DLGAP2: variants seen among roughly 807,000 people sequenced by gnomAD.
DLGAP2 encodes DLG associated protein 2.
Under a neutral mutation model 100.3 loss-of-function variants are expected in DLGAP2, and 26 were observed. The ratio of observed to expected loss-of-function variants is 0.26; its 90% CI spans 0.19 to 0.36. The LOEUF is 0.36. Among genes scored for constraint, DLGAP2 ranks in the 10% least tolerant of loss-of-function variants. The pLI is 1.00. For missense variants in DLGAP2, 1,858 were observed against 1,453.2 expected (o/e 1.28, Z -4.53); for synonymous variants, 886 against 630.1 (o/e 1.41, Z -6.08).
At chr8:825,270 G>A (rs1796665814) in intron 1 of DLGAP2, among the ~76,000 whole-genome samples, 1 of 152,248 alleles carries the variant, frequency 6.6e-6, no homozygotes, top group African/African-American at 2.4e-5. Flanking sequence ...GGATCAGGTT[G>A]TGCTGTTAGA....
intron 3 of DLGAP2, among the ~76,000 whole-genome samples, chr8:1,337,482 G>A (rs796593464): frequency 1.3e-4 from 19 of 147,234 alleles, no homozygotes; most frequent in African/African-American, 3.2e-4. Context: ...TGATGGGGAT[G>A]GGGATGATAG....
At chr8:768,022 G>T (rs1212786592) in intron 1 of DLGAP2, among the ~76,000 whole-genome samples, 1 of 152,178 alleles carries the variant, frequency 6.6e-6, no homozygotes, top group Non-Finnish European at 1.5e-5. Flanking sequence ...GAGGGACATG[G>T]TGGAGTGAAG....
rs1053698886 is a variant in DLGAP2, at chr8:1,230,031, G to A, written c.74-28820G>A. ...GGCCAGAACAATCAGGCAAGAAAAC[G>A]TAGTAAAAGACATCCAAATAATAAA... On this transcript the variant is annotated intron_variant, in intron 2 of 14. Transcript: ENST00000637795. 3.3e-5 allele frequency among the ~76,000 whole-genome samples: 5 copies of A among 152,208 alleles called. No homozygotes were observed. In the East Asian group the frequency reaches 5.8e-4, roughly 18 times the overall value.
At chr8:1,197,256 C>G (rs1382084069) in intron 2 of DLGAP2, among the ~76,000 whole-genome samples, 1 of 152,216 alleles carries the variant, frequency 6.6e-6, no homozygotes, top group Non-Finnish European at 1.5e-5. Context: ...CAGACACACC[C>G]GGAAGTCATG....
At chr8:1,048,448 C>T (rs1037727618) in intron 2 of DLGAP2, among the ~76,000 whole-genome samples, 5 of 152,138 alleles carry the variant, frequency 3.3e-5, no homozygotes, top group Admixed American at 2.0e-4. Flanking sequence ...CAGGTAGCGA[C>T]GGCATCGTCT....
At chr8:1,493,277 G>A (rs904242136) in intron 3 of DLGAP2, among the ~76,000 whole-genome samples, 4 of 152,202 alleles carry the variant, frequency 2.6e-5, no homozygotes, top group African/African-American at 4.8e-5. Context: ...TCTGAGACAC[G>A]CCTCTGTGGA....
intron 6 of DLGAP2, among the ~76,000 whole-genome samples, chr8:1,587,898 A>G (rs932487268): frequency 1.3e-5 from 2 of 152,178 alleles, no homozygotes; most frequent in Non-Finnish European, 2.9e-5. Context: ...CATTCATGAT[A>G]ACACTCAGAG....
intron 4 of DLGAP2, among the ~76,000 whole-genome samples, chr8:1,509,818 T>C (rs982218059): frequency 2.0e-5 from 3 of 152,248 alleles, no homozygotes; most frequent in African/African-American, 7.2e-5. Context: ...TGTCAGTTTT[T>C]ACCATGATTA....
chr8:1,035,984 C>T (rs1160491441), intron 2 of DLGAP2, among the ~76,000 whole-genome samples: 1 of 103,708 alleles, frequency 9.6e-6, no homozygotes, highest in Non-Finnish European at 2.1e-5. Context: ...CGCGTGTCAC[C>T]GCGAGTGGGT....
intron 1 of DLGAP2, among the ~76,000 whole-genome samples, chr8:771,450 C>G (rs1821357890): frequency 6.6e-6 from 1 of 152,152 alleles, no homozygotes; most frequent in African/African-American, 2.4e-5. Flanking sequence ...CCTCTTTATC[C>G]AAAATCCTGG....
At chr8:1,052,521 C>T (rs895815764) in intron 2 of DLGAP2, among the ~76,000 whole-genome samples, 1 of 152,124 alleles carries the variant, frequency 6.6e-6, no homozygotes, top group African/African-American at 2.4e-5. Context: ...TACTATATTC[C>T]AGGCATTGTG....
chr8:964,982 C>A (rs957113105), intron 2 of DLGAP2, among the ~76,000 whole-genome samples: 1 of 152,034 alleles, frequency 6.6e-6, no homozygotes, highest in African/African-American at 2.4e-5. Flanking sequence ...CGCGTGCACA[C>A]GGCACTGTTC....
intron 4 of DLGAP2, among the ~76,000 whole-genome samples, chr8:1,507,097 T>G (rs1044696741): frequency 6.6e-6 from 1 of 152,256 alleles, no homozygotes; most frequent in African/African-American, 2.4e-5. Context: ...GGAGCCCAGC[T>G]GGCTTCACCT....
intron 3 of DLGAP2, among the ~76,000 whole-genome samples, chr8:1,306,679 G>T (rs1022971496): frequency 1.3e-5 from 2 of 152,060 alleles, no homozygotes; most frequent in Non-Finnish European, 2.9e-5. Context: ...GTGTGGTTAA[G>T]TGCTGGCATA....
chr8:900,526 A>G (rs1340224140), intron 1 of DLGAP2, among the ~76,000 whole-genome samples: 1 of 152,120 alleles, frequency 6.6e-6, no homozygotes, highest in Non-Finnish European at 1.5e-5. Flanking sequence ...CCTTGCAGCA[A>G]ATATGCAGTG....
At chr8:1,022,136 G>C (rs941171029) in intron 2 of DLGAP2, among the ~76,000 whole-genome samples, 1 of 152,132 alleles carries the variant, frequency 6.6e-6, no homozygotes, top group African/African-American at 2.4e-5. Flanking sequence ...CCATGTCCGA[G>C]CCACACACCC....
At chr8:1,089,563 A>G (rs1411054574) in intron 2 of DLGAP2, among the ~76,000 whole-genome samples, 1 of 152,216 alleles carries the variant, frequency 6.6e-6, no homozygotes, top group Non-Finnish European at 1.5e-5. Context: ...CTTGCCATGC[A>G]GGCTGAGAGC....
chr8:1,412,225 C>T (rs543271726), intron 3 of DLGAP2, among the ~76,000 whole-genome samples: 6 of 152,236 alleles, frequency 3.9e-5, no homozygotes, highest in African/African-American at 4.8e-5. Context: ...ATGCTGAAGG[C>T]GAGGTCCCCC....
chr8:1,337,713 C>T (rs1207686354), intron 3 of DLGAP2, among the ~76,000 whole-genome samples: 4 of 152,144 alleles, frequency 2.6e-5, no homozygotes, highest in Non-Finnish European at 5.9e-5. Context: ...ACTTTATTGA[C>T]ATCTTTCGTG....
Sources: gnomAD v4.1 joint callset for allele counts (sites outside exome capture counted in the v4.1 genomes callset) on GRCh38, gnomAD v4.1.1 for gene constraint, MANE v1.5 for transcripts, NCBI Gene and HGNC (gene_info 2026-07-23, HGNC 2026-07-21) for gene names.